Variants in CCDC63 observed in about 807,000 individuals in gnomAD.
CCDC63 encodes coiled-coil domain-containing protein 63.
CCDC63 carries 54 observed loss-of-function variants against 63.6 expected under a neutral mutation model. That is an observed-to-expected ratio of 0.85 (90% CI 0.68 to 1.07). The LOEUF is 1.07. Ranked by LOEUF, CCDC63 falls within the 50% of genes least tolerant of loss-of-function variation. CCDC63 has a pLI of 0.00. For synonymous variants in CCDC63, 253 were observed against 266.1 expected (o/e 0.95, Z 0.48); for missense variants, 637 against 689.6 (o/e 0.92, Z 0.86).
chr12:110,844,607 G>C (rs2070620146), upstream of CCDC63, among the ~76,000 whole-genome samples: 1 of 152,158 alleles, frequency 6.6e-6, no homozygotes, highest in African/African-American at 2.4e-5. Context: ...GAAGTTTCTG[G>C]GAGAATGCTA....
chr12:110,856,436 A>G (rs2070771786), intron 3 of CCDC63, among the ~76,000 whole-genome samples: 1 of 151,982 alleles, frequency 6.6e-6, no homozygotes, highest in Admixed American at 6.6e-5. Flanking sequence ...CCACCTTAAC[A>G]AAGACACTCG....
intron 4 of CCDC63, among the ~76,000 whole-genome samples, chr12:110,869,018 A>G (rs1368558200): frequency 2.0e-5 from 3 of 151,180 alleles, no homozygotes; most frequent in Non-Finnish European, 3.0e-5. Context: ...TCAGCTTCCC[A>G]TGAAGATAGC....
chr12:110,878,993 G>A (rs2071166368), intron 5 of CCDC63, among the ~76,000 whole-genome samples: 1 of 152,116 alleles, frequency 6.6e-6, no homozygotes, highest in Non-Finnish European at 1.5e-5. Context: ...GTTAACATTT[G>A]CTTTATTTGC....
At chr12:110,866,898 G>A (rs1231032355) in intron 4 of CCDC63, among the ~76,000 whole-genome samples, 1 of 150,206 alleles carries the variant, frequency 6.7e-6, no homozygotes, top group East Asian at 2.0e-4. Context: ...GGGGCGGCCG[G>A]GCAGAGGCGC....
intron 7 of CCDC63, among the ~76,000 whole-genome samples, chr12:110,883,133 G>A (rs1443829210): frequency 2.0e-5 from 3 of 151,850 alleles, no homozygotes; most frequent in Non-Finnish European, 4.4e-5. Flanking sequence ...CACCTCCTGG[G>A]TTCAAGTGAT....
At chr12:110,898,450 CAAA>C (rs758242458) in intron 9 of CCDC63, among the ~76,000 whole-genome samples, 2 of 88,658 alleles carry the variant, frequency 2.3e-5, no homozygotes, top group Non-Finnish European at 2.4e-5. Flanking sequence ...ACTAAAAATA[CAAA>C]AAAAAAAAAA....
intron 4 of CCDC63, among the ~76,000 whole-genome samples, chr12:110,867,022 C>T (rs1301799721): frequency 9.4e-5 from 12 of 127,296 alleles, no homozygotes; most frequent in Admixed American, 1.5e-4. Context: ...CCCTCCCGGA[C>T]GGGGCGGCTG....
At chr12:110,851,448 C>T (rs543627062) in intron 1 of CCDC63, among the ~76,000 whole-genome samples, 35 of 152,274 alleles carry the variant, frequency 2.3e-4, no homozygotes, top group African/African-American at 7.9e-4. Context: ...GCTTAAATTC[C>T]ACCATTCACT....
At chr12:110,881,985 G>A (rs529910259) in intron 7 of CCDC63, among the ~76,000 whole-genome samples, 2 of 152,104 alleles carry the variant, frequency 1.3e-5, no homozygotes, top group African/African-American at 4.8e-5. Context: ...TTATTGTCAG[G>A]GGTCCCCAGG....
chr12:110,860,571 GTTTATTTATTTTTAAATATTTA>G (rs997287698), intron 4 of CCDC63, among the ~76,000 whole-genome samples: 135 of 152,246 alleles, frequency 8.9e-4, no homozygotes, highest in African/African-American at 3.1e-3. Context: ...GAAACAGGTA[GTTTATTTATTTTTAAATATTTA>G]TTTATTTATT....
Position 110,858,881 on chromosome 12 carries a change from G to A in CCDC63, c.369+106G>A, listed in dbSNP as rs987329694. ...CCAGACCTGACACCCCTGTATCACA[G>A]TATCTCCTCTGGACAGCCCGCTAAA... is the stretch of plus-strand genomic sequence containing the variant. On this transcript the variant is annotated intron_variant, in intron 4 of 11. Transcript: ENST00000308208. 8 of 930,956 alleles carry A rather than the reference G, an allele frequency of 8.6e-6. No individual in the cohort carries two copies. In the African/African-American group the frequency reaches 9.9e-5, roughly 12 times the overall value. The allele number at this position is 930,956 out of a possible 1,614,324, so 57.7% of individuals were successfully genotyped here.
intron 4 of CCDC63, among the ~76,000 whole-genome samples, chr12:110,873,358 A>C (rs1261574998): frequency 6.6e-6 from 1 of 152,244 alleles, no homozygotes; most frequent in African/African-American, 2.4e-5. Context: ...GCCTGGTGCT[A>C]TCTCACATGT....
chr12:110,853,654 C>A, intron 3 of CCDC63, 80 bp downstream of exon 3: 1 of 1,531,458 alleles, frequency 6.5e-7, no homozygotes, highest in Non-Finnish European at 9.0e-7. Context: ...GTCTTCTGTT[C>A]TGTGACCCCT....
chr12:110,853,713 A>C, intron 3 of CCDC63, 139 bp downstream of exon 3: 1 of 852,052 alleles, frequency 1.2e-6, no homozygotes. Context: ...ACGGTCTTTT[A>C]TCTGCAGAGC....
intron 11 of CCDC63, among the ~76,000 whole-genome samples, chr12:110,905,253 G>A (rs917909539): frequency 3.3e-5 from 5 of 151,664 alleles, no homozygotes; most frequent in African/African-American, 1.2e-4. Flanking sequence ...CCCCATTTTT[G>A]TCCCCTAACC....
intron 10 of CCDC63, among the ~76,000 whole-genome samples, chr12:110,900,032 G>T (rs111871011): frequency 0.011 from 1,644 of 152,056 alleles, 26 homozygotes; most frequent in African/African-American, 0.037. Context: ...TGGCAAACAT[G>T]GTGAAACCCT....
intron 8 of CCDC63, 24 bp from the exon 9 acceptor site, chr12:110,893,052 A>C (rs2071376702): frequency 6.2e-7 from 1 of 1,609,298 alleles, no homozygotes; most frequent in Non-Finnish European, 8.5e-7. Context: ...ACTTTTCCTC[A>C]TGGTCTTGTT....
chr12:110,900,660 C>T (rs868116308), intron 10 of CCDC63, among the ~76,000 whole-genome samples: 16 of 150,582 alleles, frequency 1.1e-4, no homozygotes, highest in African/African-American at 2.7e-4. Flanking sequence ...AATGCAGTGG[C>T]GCGATCTCAG....
chr12:110,901,673 C>T (rs118043772), intron 10 of CCDC63, among the ~76,000 whole-genome samples: 1,532 of 152,228 alleles, frequency 0.01, 15 homozygotes, highest in Non-Finnish European at 0.015. Flanking sequence ...TAAGTGAGGG[C>T]GTGTGAAGTT....
Sources: allele counts gnomAD v4.1 joint callset (sites outside exome capture counted in the v4.1 genomes callset), GRCh38; gene constraint gnomAD v4.1.1; transcripts MANE v1.5; gene names NCBI Gene and HGNC (gene_info 2026-07-23, HGNC 2026-07-21).